The following CSMD1 variants were observed in gnomAD, a reference collection of about 807,000 sequenced individuals.
CSMD1 encodes the protein CUB and sushi domain-containing protein 1.
Under a neutral mutation model 417.5 loss-of-function variants are expected in CSMD1, and 213 were observed. The ratio of observed to expected loss-of-function variants is 0.51; its 90% confidence interval spans 0.46 to 0.57. The LOEUF (loss-of-function observed/expected upper bound fraction) is 0.57, where lower values mean the gene tolerates loss of function less well. CSMD1 is among the 20% of genes least tolerant of loss of function. The probability of loss-of-function intolerance (pLI) is 0.00; values close to 1 mark genes in which losing one functional copy is unlikely to be tolerated. For missense variants in CSMD1, 6,923 were observed against 4,529.7 expected (o/e 1.53, Z -15.17); for synonymous variants, 2,862 against 1,736.8 (o/e 1.65, Z -16.11).
At position 4,360,553 on chromosome 8, in the gene CSMD1, G is replaced by C. The variant is rs568909416; in HGVS notation, c.415+59400C>G. ...CGCCCAGGCTGGAGGGCAGTGGCGCGATCTCGGCTCACTGCAAGCTCCGCC... is the reference window on the plus strand; with the variant it reads ...CGCCCAGGCTGGAGGGCAGTGGCGCCATCTCGGCTCACTGCAAGCTCCGCC... On this transcript the variant is annotated intron_variant, in intron 3 of 69. Transcript: ENST00000635120. Among the ~76,000 whole-genome samples the C allele has an allele frequency of 4.6e-5, 7 of 152,216 alleles. No individual in the cohort carries two copies. In the South Asian group the frequency reaches 6.2e-4, roughly 14 times the overall value.
chr8:3,212,765 G>C (rs960397588), intron 30 of CSMD1, among the ~76,000 whole-genome samples: 2 of 151,912 alleles, frequency 1.3e-5, no homozygotes, highest in South Asian at 4.2e-4. Context: ...AGAAATAGCA[G>C]AACACGCCAG....
At chr8:3,685,869 T>C (rs1434968185) in intron 7 of CSMD1, among the ~76,000 whole-genome samples, 1 of 152,176 alleles carries the variant, frequency 6.6e-6, no homozygotes, top group African/African-American at 2.4e-5. Flanking sequence ...GAATGGGGTA[T>C]CCATCCCATC....
intron 10 of CSMD1, among the ~76,000 whole-genome samples, chr8:3,558,326 A>ATGAATGG (rs1799265559): frequency 2.0e-5 from 1 of 49,266 alleles, no homozygotes; most frequent in Non-Finnish European, 5.7e-5. Context: ...ATGATGAATG[A>ATGAATGG]TGCCTCAGTA....
intron 1 of CSMD1, among the ~76,000 whole-genome samples, chr8:4,715,814 C>A (rs1443278574): frequency 6.6e-6 from 1 of 152,214 alleles, no homozygotes; most frequent in East Asian, 1.9e-4. Context: ...ATCTCTAGCA[C>A]TACCCCTCTG....
At chr8:4,135,120 T>C (rs923115250) in intron 3 of CSMD1, among the ~76,000 whole-genome samples, 1 of 152,290 alleles carries the variant, frequency 6.6e-6, no homozygotes, top group South Asian at 2.1e-4. Context: ...ATAAATGTTC[T>C]TGACGCACAC....
chr8:4,627,612 T>G (rs1159703403), intron 2 of CSMD1, among the ~76,000 whole-genome samples: 1 of 152,094 alleles, frequency 6.6e-6, no homozygotes, highest in African/African-American at 2.4e-5. Context: ...TGTGGAAAAC[T>G]CACTTCCTTC....
intron 5 of CSMD1, among the ~76,000 whole-genome samples, chr8:3,938,508 G>A (rs1352662563): frequency 6.6e-6 from 1 of 152,102 alleles, no homozygotes; most frequent in Non-Finnish European, 1.5e-5. Flanking sequence ...GGTTTCCTCG[G>A]CAACAATGGA....
chr8:4,157,662 G>A (rs908429865), intron 3 of CSMD1, among the ~76,000 whole-genome samples: 2 of 152,180 alleles, frequency 1.3e-5, no homozygotes, highest in African/African-American at 4.8e-5. Flanking sequence ...ATCTGGGCAT[G>A]GGGTGAGGGC....
At chr8:3,761,466 GT>G (rs1325397939) in intron 5 of CSMD1, among the ~76,000 whole-genome samples, 1 of 144,400 alleles carries the variant, frequency 6.9e-6, no homozygotes, top group Non-Finnish European at 1.5e-5. Context: ...CCACAGAAGA[GT>G]TTTCATTCAA....
intron 3 of CSMD1, among the ~76,000 whole-genome samples, chr8:4,113,716 A>T (rs1004406077): frequency 6.6e-6 from 1 of 152,168 alleles, no homozygotes; most frequent in Admixed American, 6.5e-5. Context: ...TGCTACTCTT[A>T]TAAGTGCATG....
rs1032228899 is a variant in CSMD1, at chr8:4,885,003, G to C, written c.85+109329C>G. Reference sequence around the variant, plus strand: ...TCAGTATTTCATCCTATTTATTTAGGTCTTCTTTAATTCTTTTAAACAATA... The same window carrying C: ...TCAGTATTTCATCCTATTTATTTAGCTCTTCTTTAATTCTTTTAAACAATA... On this transcript the variant is annotated intron_variant, in intron 1 of 69. Coordinates refer to ENST00000635120, the MANE Select transcript of CSMD1 (RefSeq NM_033225.6). Among the ~76,000 whole-genome samples the C allele has an allele frequency of 3.3e-5, 5 of 152,084 alleles. No homozygotes were observed. The South Asian group carries it at 6.2e-4, about 19-fold the overall frequency.
intron 25 of CSMD1, among the ~76,000 whole-genome samples, chr8:3,292,053 C>A (rs1042379162): frequency 3.3e-5 from 5 of 152,072 alleles, no homozygotes; most frequent in African/African-American, 1.2e-4. Context: ...TTTCAAAGAA[C>A]ATCTTTATTT....
chr8:4,293,206 C>G (rs186350813), intron 3 of CSMD1, among the ~76,000 whole-genome samples: 1 of 152,094 alleles, frequency 6.6e-6, no homozygotes, highest in Non-Finnish European at 1.5e-5. Context: ...AGGAAGAGAG[C>G]CCAATGATGC....
intron 21 of CSMD1, among the ~76,000 whole-genome samples, chr8:3,356,749 A>C (rs940008343): frequency 2.6e-5 from 4 of 152,200 alleles, no homozygotes; most frequent in African/African-American, 7.2e-5. Context: ...TTATAGAAAG[A>C]GCCCTGGTGC....
intron 3 of CSMD1, among the ~76,000 whole-genome samples, chr8:4,354,438 C>A (rs758277051): frequency 6.6e-6 from 1 of 152,154 alleles, no homozygotes; most frequent in African/African-American, 2.4e-5. Context: ...TAGGAGAGAA[C>A]ACCAAACATC....
intron 2 of CSMD1, among the ~76,000 whole-genome samples, chr8:4,569,690 G>C (rs973600532): frequency 8.5e-5 from 13 of 152,162 alleles, no homozygotes; most frequent in East Asian, 3.9e-4. Context: ...GTCAATGGTA[G>C]CTTGATGGGA....
At chr8:3,309,240 G>A (rs936329134) in intron 23 of CSMD1, among the ~76,000 whole-genome samples, 3 of 152,046 alleles carry the variant, frequency 2.0e-5, no homozygotes, top group Non-Finnish European at 2.9e-5. Context: ...CTGACAGCCA[G>A]CACTTATTCC....
At chr8:4,738,158 A>T (rs536814818) in intron 1 of CSMD1, among the ~76,000 whole-genome samples, 1 of 152,330 alleles carries the variant, frequency 6.6e-6, no homozygotes, top group African/African-American at 2.4e-5. Context: ...ACAGAATATC[A>T]GGTTAGTTTA....
At chr8:3,896,358 T>C (rs575769175) in intron 5 of CSMD1, among the ~76,000 whole-genome samples, 1 of 152,202 alleles carries the variant, frequency 6.6e-6, no homozygotes, top group Non-Finnish European at 1.5e-5. Context: ...TAGCAAAACA[T>C]TAAGACTAAT....
Sources: gnomAD v4.1 joint callset for allele counts (sites outside exome capture counted in the v4.1 genomes callset) on GRCh38, gnomAD v4.1.1 for gene constraint, MANE v1.5 for transcripts, NCBI Gene and HGNC (gene_info 2026-07-23, HGNC 2026-07-21) for gene names.